The following PHACTR3 variants were observed in gnomAD, a reference collection of about 807,000 sequenced individuals.
PHACTR3 encodes the protein protein phosphatase 1, regulatory subunit 123.
Under a neutral mutation model 66.8 loss-of-function variants are expected in PHACTR3, and 16 were observed. That is an observed-to-expected ratio of 0.24 (90% CI 0.16 to 0.36). The LOEUF is 0.36. Ranked by LOEUF, PHACTR3 falls within the 10% of genes least tolerant of loss-of-function variation. The probability of loss-of-function intolerance (pLI) is 1.00; values close to 1 mark genes in which losing one functional copy is unlikely to be tolerated. For missense variants in PHACTR3, 647 were observed against 719.9 expected, an observed-to-expected ratio of 0.90 and a Z score of 1.16; for synonymous variants, 323 against 292.1, an observed-to-expected ratio of 1.11 and a Z score of -1.08.
intron 1 of PHACTR3, among the ~76,000 whole-genome samples, chr20:59,645,985 C>T (rs1212230075): frequency 6.6e-6 from 1 of 152,178 alleles, no homozygotes; most frequent in Non-Finnish European, 1.5e-5. Flanking sequence ...GGCCCCTGGC[C>T]CCGTTCTGCC....
At chr20:59,588,453 A>G (rs1261484946) in intron 1 of PHACTR3, among the ~76,000 whole-genome samples, 2 of 151,908 alleles carry the variant, frequency 1.3e-5, no homozygotes, top group African/African-American at 2.4e-5. Flanking sequence ...TTTATCCTCT[A>G]TCTGGCGGCC....
intron 1 of PHACTR3, among the ~76,000 whole-genome samples, chr20:59,674,121 T>A (rs1008097093): frequency 1.3e-5 from 2 of 152,258 alleles, no homozygotes; most frequent in South Asian, 4.1e-4. Context: ...GCTGTCAGTG[T>A]CCTGGGCTGG....
At chr20:59,742,484 A>ACAGACATGCTCT (rs1289018184) in intron 1 of PHACTR3, among the ~76,000 whole-genome samples, 1 of 151,308 alleles carries the variant, frequency 6.6e-6, no homozygotes, top group East Asian at 1.9e-4. Context: ...AGACGTGCTC[A>ACAGACATGCTCT]CTCTGCAGCC....
intron 1 of PHACTR3, among the ~76,000 whole-genome samples, chr20:59,656,032 T>G (rs2146462603): frequency 6.6e-6 from 1 of 152,046 alleles, no homozygotes; most frequent in Middle Eastern, 3.4e-3. Context: ...TCAATTATTT[T>G]GAATTTATTG....
intron 1 of PHACTR3, among the ~76,000 whole-genome samples, chr20:59,607,777 C>T (rs2033716710): frequency 6.6e-6 from 1 of 152,180 alleles, no homozygotes; most frequent in Non-Finnish European, 1.5e-5. Context: ...GAGATCTTGC[C>T]TCATTGCAAT....
intron 1 of PHACTR3, among the ~76,000 whole-genome samples, chr20:59,677,596 T>G (rs1379558795): frequency 6.6e-6 from 1 of 152,194 alleles, no homozygotes; most frequent in African/African-American, 2.4e-5. Context: ...GTTTTATGTT[T>G]TTTTGACCCA....
rs1370267980 is a variant in PHACTR3 at position 59,833,036 on chromosome 20, T to C, written c.1329-3469T>C. 2.6e-5 allele frequency among the ~76,000 whole-genome samples: 4 copies of C among 152,130 alleles called. No individual in the cohort carries two copies. The East Asian group carries it at 7.7e-4, about 29-fold the overall frequency. On this transcript the variant is annotated intron_variant, in intron 8 of 12. Coordinates refer to ENST00000371015, the MANE Select transcript of PHACTR3 (RefSeq NM_080672.5). ...GGGTCTTGGGGCCCACAGCACTGTC[T>C]AGGGTTCTGCATCCACCCTTCCAGG...
At chr20:59,577,582 G>T in exon 1 of PHACTR3, 1 of 1,208,176 alleles carries the variant, frequency 8.3e-7, no homozygotes, top group Non-Finnish European at 1.0e-6. Context: ...TTCGGGGCCC[G>T]GGACGCTGCC....
intron 8 of PHACTR3, among the ~76,000 whole-genome samples, chr20:59,817,923 A>C (rs2041930772): frequency 6.6e-6 from 1 of 152,224 alleles, no homozygotes; most frequent in Non-Finnish European, 1.5e-5. Context: ...GGAGAAGTAC[A>C]TGTTTCTTTA....
intron 8 of PHACTR3, among the ~76,000 whole-genome samples, chr20:59,815,418 G>GTT (rs538438640): frequency 0.074 from 9,621 of 129,982 alleles, 565 homozygotes; most frequent in East Asian, 0.11. Flanking sequence ...TGGGGTTCTG[G>GTT]TTTTTTTTTT....
chr20:59,767,346 G>C lies in PHACTR3; in HGVS notation c.702G>C (p.Leu234=). ...GCCAGCTCCCCAGCCCCCCACTGCT[G>C]CCCACTCCGCCACCCAAGGCAAGCT... ...SVGQLPSPPL[L]PTPPPKASSK... Residue 234 remains leucine (L), a synonymous_variant, in exon 5 of 13, where the codon CTG becomes CTC. Coordinates refer to ENST00000371015, the MANE Select transcript of PHACTR3 (RefSeq NM_080672.5). 1 of 1,614,088 alleles carries C rather than the reference G, an allele frequency of 6.2e-7. No homozygotes were observed. The highest frequency in any genetic ancestry group is 1.3e-5 in the African/African-American group (1 of 75,054).
chr20:59,834,798 G>A (rs2042479537), intron 8 of PHACTR3, among the ~76,000 whole-genome samples: 1 of 152,202 alleles, frequency 6.6e-6, no homozygotes, highest in Admixed American at 6.5e-5. Context: ...TCTCTCAGAT[G>A]ATTTTGTTCA....
intron 1 of PHACTR3, among the ~76,000 whole-genome samples, chr20:59,596,064 C>A (rs2033319617): frequency 6.6e-6 from 1 of 152,224 alleles, no homozygotes; most frequent in African/African-American, 2.4e-5. Flanking sequence ...CCTCTCTTAA[C>A]AAAACCCCTC....
At chr20:59,804,611 C>A (rs2041509891) in intron 7 of PHACTR3, among the ~76,000 whole-genome samples, 1 of 152,194 alleles carries the variant, frequency 6.6e-6, no homozygotes, top group Non-Finnish European at 1.5e-5. Flanking sequence ...CCTGCAACTC[C>A]TCCAGGCTCC....
chr20:59,591,799 G>T (rs1228848237), intron 1 of PHACTR3, among the ~76,000 whole-genome samples: 2 of 152,134 alleles, frequency 1.3e-5, no homozygotes, highest in East Asian at 3.9e-4. Flanking sequence ...CAGGGCCAAG[G>T]CGTCTGTTAC....
chr20:59,608,275 T>A (rs1011764171), intron 1 of PHACTR3, among the ~76,000 whole-genome samples: 4 of 151,910 alleles, frequency 2.6e-5, no homozygotes, highest in Admixed American at 6.6e-5. Flanking sequence ...GGGGATGAAA[T>A]ATTTCCCCTA....
intron 1 of PHACTR3, among the ~76,000 whole-genome samples, chr20:59,655,251 T>C (rs2035580145): frequency 6.6e-6 from 1 of 152,040 alleles, no homozygotes; most frequent in Non-Finnish European, 1.5e-5. Context: ...TGGTATCTCA[T>C]TATGGTTTTT....
chr20:59,806,263 C>G (rs1401309085), intron 8 of PHACTR3, 69 bp downstream of exon 8: 5 of 1,562,104 alleles, frequency 3.2e-6, no homozygotes, highest in Non-Finnish European at 4.3e-6. Flanking sequence ...CTCTGAGATC[C>G]CACATCCTGG....
rs538525667 is a variant in PHACTR3 at position 59,691,871 on chromosome 20, C to T, written c.119-51236C>T. ...CTGAACCCACCTCCAGATCCACTCG[C>T]CCCACCAAGCCTCCAGCTTTTGACC... On this transcript the variant is annotated intron_variant, in intron 1 of 12. Transcript: ENST00000371015. Among the ~76,000 whole-genome samples the T allele has an allele frequency of 2.6e-5, 4 of 152,304 alleles. No homozygotes were observed. In the South Asian group the frequency reaches 6.2e-4, roughly 24 times the overall value.
Sources: gnomAD v4.1 joint callset for allele counts (sites outside exome capture counted in the v4.1 genomes callset) on GRCh38, gnomAD v4.1.1 for gene constraint, MANE v1.5 for transcripts, NCBI Gene and HGNC (gene_info 2026-07-23, HGNC 2026-07-21) for gene names.